TRIM67: variants seen among roughly 807,000 people sequenced by gnomAD.
TRIM67 encodes the protein tripartite motif-containing protein 67.
Under a neutral mutation model 71.0 loss-of-function variants are expected in TRIM67, and 39 were observed. The ratio of observed to expected loss-of-function variants is 0.55; its 90% CI spans 0.43 to 0.72. The LOEUF is 0.72. Among genes scored for constraint, TRIM67 ranks in the 30% least tolerant of loss-of-function variants. The pLI is 0.00. For missense variants in TRIM67, 973 were observed against 1,079.2 expected (o/e 0.90, Z 1.38); for synonymous variants, 481 against 473.9 (o/e 1.01, Z -0.19).
chr1:231,202,253 AAGG>A (rs1381065922), intron 5 of TRIM67, among the ~76,000 whole-genome samples: 1 of 11,666 alleles, frequency 8.6e-5, no homozygotes, highest in Admixed American at 8.2e-4. Context: ...GGTAGTGGAG[AAGG>A]AGGAGGTGGT....
chr1:231,209,763 G>C lies in TRIM67; in HGVS notation c.2123+513G>C, dbSNP rs1236654197. On this transcript the variant is annotated intron_variant, in intron 8 of 9. Coordinates refer to ENST00000366653, the MANE Select transcript of TRIM67 (RefSeq NM_001004342.5). This position sits in a 1 kb window ranked among gnomAD's most constrained non-coding sequence, Gnocchi z 4.1. ...CAGGGCAGTAGCAGAGGGCATGGCT[G>C]GGGTGCTCACTACTAACGAGCCTGC... is the stretch of plus-strand genomic sequence containing the variant. Among the ~76,000 whole-genome samples, 2 of 152,216 alleles carry C rather than the reference G, an allele frequency of 1.3e-5. No homozygotes were observed. The highest frequency in any genetic ancestry group is 2.9e-5 in the Non-Finnish European group (2 of 68,034).
At chr1:231,189,002 G>C in intron 1 of TRIM67, among the ~76,000 whole-genome samples, 1 of 152,164 alleles carries the variant, frequency 6.6e-6, no homozygotes, top group South Asian at 2.1e-4. Context: ...TGTTGGTTCT[G>C]TGATGGATCT....
intron 1 of TRIM67, among the ~76,000 whole-genome samples, chr1:231,167,277 TGGAAAGCTCA>T (rs1469922993): frequency 6.7e-6 from 1 of 149,948 alleles, no homozygotes; most frequent in African/African-American, 2.4e-5. Context: ...GGGTGTGGCC[TGGAAAGCTCA>T]GAAAAGACAG....
intron 6 of TRIM67, among the ~76,000 whole-genome samples, chr1:231,205,839 G>A (rs1426924326): frequency 2.0e-5 from 3 of 152,174 alleles, no homozygotes; most frequent in Non-Finnish European, 4.4e-5. Context: ...AGGAGTGGAA[G>A]ATGCCAGCCT....
intron 1 of TRIM67, among the ~76,000 whole-genome samples, chr1:231,169,997 T>G (rs1476250611): frequency 1.3e-5 from 2 of 148,804 alleles, no homozygotes; most frequent in Non-Finnish European, 2.9e-5. Flanking sequence ...TTCTCTCTTT[T>G]TTTTTTGAGT....
intron 7 of TRIM67, among the ~76,000 whole-genome samples, chr1:231,208,540 G>A (rs1683775622): frequency 1.3e-5 from 2 of 152,034 alleles, no homozygotes; most frequent in African/African-American, 2.4e-5. Flanking sequence ...TCAAACCGCT[G>A]ACCTGAGGTG....
chr1:231,211,967 A>G (rs1683884604), intron 8 of TRIM67, among the ~76,000 whole-genome samples: 2 of 152,198 alleles, frequency 1.3e-5, no homozygotes, highest in South Asian at 4.1e-4. Context: ...TGTTGTACCT[A>G]GGCGAGTTAA....
At chr1:231,167,547 C>T (rs1682508095) in intron 1 of TRIM67, among the ~76,000 whole-genome samples, 1 of 107,838 alleles carries the variant, frequency 9.3e-6, no homozygotes, top group Non-Finnish European at 1.7e-5. Flanking sequence ...TGGTCTCGAT[C>T]TCCTGACCTC....
At chr1:231,164,100 G>C (rs1180926338) in intron 1 of TRIM67, 87 bp downstream of exon 1, 1 of 1,343,888 alleles carries the variant, frequency 7.4e-7, no homozygotes, top group East Asian at 2.9e-5. Flanking sequence ...AGAGCTGACA[G>C]AAAGTCGGTC....
At chr1:231,204,962 A>G (rs1683656203) in intron 6 of TRIM67, among the ~76,000 whole-genome samples, 1 of 152,220 alleles carries the variant, frequency 6.6e-6, no homozygotes, top group Non-Finnish European at 1.5e-5. Flanking sequence ...TGGGCCAATT[A>G]GGGAGGTAAG....
At chr1:231,183,314 A>T (rs1682958727) in intron 1 of TRIM67, among the ~76,000 whole-genome samples, 1 of 152,168 alleles carries the variant, frequency 6.6e-6, no homozygotes, top group South Asian at 2.1e-4. Flanking sequence ...TATCAGAAAA[A>T]TAGGCCAGGC....
At chr1:231,203,737 G>C in intron 5 of TRIM67, 130 bp from the exon 6 acceptor site, 1 of 1,220,694 alleles carries the variant, frequency 8.2e-7, no homozygotes, top group South Asian at 1.5e-5. Flanking sequence ...GTGACTACAG[G>C]GTGGCCAGGG....
intron 7 of TRIM67, among the ~76,000 whole-genome samples, chr1:231,207,026 G>A (rs1683722330): frequency 6.6e-6 from 1 of 152,206 alleles, no homozygotes; most frequent in South Asian, 2.1e-4. Context: ...AGGATGAGCT[G>A]CTGAAGATGG....
intron 1 of TRIM67, among the ~76,000 whole-genome samples, chr1:231,174,047 TTC>T (rs910541249): frequency 1.3e-5 from 2 of 152,106 alleles, no homozygotes; most frequent in Non-Finnish European, 2.9e-5. Context: ...CTCTTTCTCT[TTC>T]TCTCTCTCAT....
intron 7 of TRIM67, among the ~76,000 whole-genome samples, chr1:231,207,264 C>T (rs561519995): frequency 7.2e-5 from 11 of 152,300 alleles, no homozygotes; most frequent in African/African-American, 9.6e-5. Flanking sequence ...GAAAACTCCA[C>T]GATAGATGCA....
In TRIM67 at chr1:231,218,757, T is replaced by C. The variant is rs1293686719; in HGVS notation, c.*3317T>C. 8 of 985,326 alleles carry C rather than the reference T, an allele frequency of 8.1e-6. No individual in the cohort carries two copies. Among genetic ancestry groups the C allele is most frequent in the Non-Finnish European group, 8.4e-6 (7 of 829,960 alleles). The allele number at this position is 985,326 out of a possible 1,614,324, so 61.0% of individuals were successfully genotyped here. On this transcript the variant is annotated 3_prime_UTR_variant, in exon 10 of 10. Transcript: ENST00000366653. ...TTGCAACAGCGCCCTAGGTGCCCTA[T>C]GGCCCACCAAGTTTGAGGAGGGTGG...
chr1:231,196,904 C>T (rs1473841777), intron 1 of TRIM67, among the ~76,000 whole-genome samples: 1 of 152,360 alleles, frequency 6.6e-6, no homozygotes, highest in Admixed American at 6.5e-5. Flanking sequence ...TCCTGTCCAT[C>T]CCTCAGGGCA....
At chr1:231,215,248 C>T in intron 9 of TRIM67, 127 bp from the exon 10 acceptor site, 1 of 1,386,962 alleles carries the variant, frequency 7.2e-7, no homozygotes, top group Non-Finnish European at 9.6e-7. Flanking sequence ...CCACAGCAGC[C>T]CTGAGCTATT....
At chr1:231,201,285 C>A (rs11122252) in intron 4 of TRIM67, 73 bp from the exon 5 acceptor site, 193,085 of 1,496,432 alleles carry the variant, frequency 0.13, 16,130 homozygotes, top group African/African-American at 0.41. Context: ...AAAGTCCCTA[C>A]CTCTTCCTCA....
Sources: allele counts gnomAD v4.1 joint callset (sites outside exome capture counted in the v4.1 genomes callset), GRCh38; gene constraint gnomAD v4.1.1; non-coding constraint Gnocchi (gnomAD v3.1); transcripts MANE v1.5; gene names NCBI Gene and HGNC (gene_info 2026-07-23, HGNC 2026-07-21).